HOXA3: variants seen among roughly 807,000 people sequenced by gnomAD.
HOXA3 encodes homeobox protein Hox-A3.
HOXA3 carries 8 observed loss-of-function variants against 30.3 expected under a neutral mutation model. The ratio of observed to expected loss-of-function variants is 0.26; its 90% CI spans 0.15 to 0.48. The LOEUF (loss-of-function observed/expected upper bound fraction) is 0.48, where lower values mean the gene tolerates loss of function less well. Ranked by LOEUF, HOXA3 falls within the 20% of genes least tolerant of loss-of-function variation. The pLI is 0.99. For missense variants in HOXA3, 653 were observed against 614.4 expected (o/e 1.06, Z -0.66); for synonymous variants, 323 against 273.1 (o/e 1.18, Z -1.80).
chr7:27,141,603 T>C, intron 1 of HOXA3: 1 of 413,890 alleles, frequency 2.4e-6, no homozygotes, highest in Non-Finnish European at 4.3e-6. Context: ...AGTTAAAACA[T>C]CTATTTTTTT....
intron 2 of HOXA3, among the ~76,000 whole-genome samples, chr7:27,134,836 G>A (rs1297303321): frequency 6.6e-6 from 1 of 152,212 alleles, no homozygotes; most frequent in Non-Finnish European, 1.5e-5. Flanking sequence ...ATATTGGGAT[G>A]ATCTTAAACA....
chr7:27,127,517 CT>C (rs1785335993), intron 2 of HOXA3, among the ~76,000 whole-genome samples: 1 of 152,230 alleles, frequency 6.6e-6, no homozygotes, highest in Non-Finnish European at 1.5e-5. Flanking sequence ...CAGGTGAGCA[CT>C]TACTCCCATC....
chr7:27,144,373 T>A (rs1455132734), intron 1 of HOXA3, among the ~76,000 whole-genome samples: 2 of 152,238 alleles, frequency 1.3e-5, no homozygotes, highest in East Asian at 3.9e-4. Flanking sequence ...ATGACAGGCG[T>A]CTATTAAAGA....
intron 3 of HOXA3, among the ~76,000 whole-genome samples, chr7:27,125,917 C>T (rs1031714875): frequency 1.3e-5 from 2 of 152,086 alleles, no homozygotes; most frequent in African/African-American, 4.8e-5. Context: ...TCCACCCCAC[C>T]CCACCCCATA....
At chr7:27,114,847 TATATATTATATATATA>T (rs1784611284) in intron 4 of HOXA3, among the ~76,000 whole-genome samples, 2 of 104,874 alleles carry the variant, frequency 1.9e-5, no homozygotes, top group African/African-American at 3.3e-5. Context: ...ATATATATAA[TATATATTATATATATA>T]ATATATATTA....
chr7:27,114,853 T>G (rs1280934727), intron 4 of HOXA3, among the ~76,000 whole-genome samples: 2 of 104,378 alleles, frequency 1.9e-5, no homozygotes, highest in Non-Finnish European at 4.0e-5. Flanking sequence ...ATAATATATA[T>G]TATATATATA....
At chr7:27,124,799 G>A (rs1785208254) in intron 3 of HOXA3, among the ~76,000 whole-genome samples, 4 of 152,034 alleles carry the variant, frequency 2.6e-5, no homozygotes, top group Non-Finnish European at 4.4e-5. Flanking sequence ...TGGCTCTGCC[G>A]GCCTCCGGGG....
intron 2 of HOXA3, among the ~76,000 whole-genome samples, chr7:27,132,799 C>G (rs956358899): frequency 3.9e-5 from 6 of 152,128 alleles, no homozygotes; most frequent in African/African-American, 1.4e-4. Context: ...ATACGTATTA[C>G]AAATCTGAAC....
intron 1 of HOXA3, chr7:27,146,063 T>A: frequency 1.1e-6 from 1 of 909,930 alleles, no homozygotes; most frequent in Non-Finnish European, 1.6e-6. Context: ...GCCCAAAGCA[T>A]ACTGAATGGG....
At chr7:27,150,858 G>C (rs1006807309) in intron 1 of HOXA3, 2 of 152,364 alleles carry the variant, frequency 1.3e-5, no homozygotes, top group African/African-American at 2.4e-5. Flanking sequence ...CGCCCCCCAG[G>C]TCCCCTTGCG....
At chr7:27,143,319 G>T in intron 1 of HOXA3, 1 of 1,599,140 alleles carries the variant, frequency 6.3e-7, no homozygotes. Flanking sequence ...GGATCGGGCT[G>T]AGGAGAGTGC....
intron 1 of HOXA3, chr7:27,147,810 T>C (rs1364932892): frequency 1.4e-6 from 2 of 1,427,298 alleles, no homozygotes; most frequent in Non-Finnish European, 1.9e-6. Flanking sequence ...CTATAACTAT[T>C]AGTAGTCATC....
At position 27,113,886 on chromosome 7, in the gene HOXA3, C is replaced by A. The variant is rs1784525833; in HGVS notation, c.-120-3126G>T. The A allele has an allele frequency of 6.6e-6, 1 of 151,012 alleles. No individual in the cohort carries two copies. Among genetic ancestry groups the A allele is most frequent in the African/African-American group, 2.4e-5 (1 of 41,270 alleles). The allele number at this position is 151,012 out of a possible 1,614,324, so 9.4% of individuals were successfully genotyped here. On this transcript the variant is annotated intron_variant, in intron 4 of 5. Transcript: ENST00000612286. The surrounding 1 kb of genome is among the most constrained non-coding windows in gnomAD (Gnocchi z 4.8). ...CTCCCACCCACCCCACCCACCCACC[C>A]CTCCCCCACACCCCCGCCCCCTGCC...
intron 2 of HOXA3, among the ~76,000 whole-genome samples, chr7:27,136,423 T>TAAA (rs1785716969): frequency 6.6e-6 from 1 of 152,148 alleles, no homozygotes; most frequent in Non-Finnish European, 1.5e-5. Context: ...GGGAGAACCT[T>TAAA]GCAAAAAGTG....
At position 27,130,090 on chromosome 7, in the gene HOXA3, C is replaced by T. The variant is rs554415472; in HGVS notation, c.-389-3020G>A. ...ACCCAGGCCCAGCCCCGGCCCACCTCCCGCGCCTCCCAAGCGGCGCCACGT... is the reference window on the plus strand; with the variant it reads ...ACCCAGGCCCAGCCCCGGCCCACCTTCCGCGCCTCCCAAGCGGCGCCACGT... On this transcript the variant is annotated intron_variant, in intron 2 of 5. Coordinates refer to ENST00000612286, the MANE Select transcript of HOXA3 (RefSeq NM_153631.3). 34 of 1,575,070 alleles carry T rather than the reference C, an allele frequency of 2.2e-5. 1 individual carries two copies. In the East Asian group the frequency reaches 4.9e-4, roughly 23 times the overall value.
intron 1 of HOXA3, chr7:27,143,466 C>T: frequency 6.2e-7 from 1 of 1,613,798 alleles, no homozygotes; most frequent in Non-Finnish European, 8.5e-7. Flanking sequence ...CCATTGTAGC[C>T]GTAGCCGTAC....
intron 1 of HOXA3, chr7:27,140,654 A>C (rs1782531905): frequency 6.6e-6 from 1 of 152,294 alleles, no homozygotes; most frequent in African/African-American, 2.4e-5. Flanking sequence ...TTTGGGGTCC[A>C]CAGACAGACA....
chr7:27,109,925 T>G, intron 5 of HOXA3, 190 bp downstream of exon 5: 1 of 656,106 alleles, frequency 1.5e-6, no homozygotes, highest in Non-Finnish European at 2.6e-6. Flanking sequence ...TCTGGTGTTT[T>G]CCAGCCTACA....
At chr7:27,125,796 A>G (rs901173553) in intron 3 of HOXA3, among the ~76,000 whole-genome samples, 1 of 152,188 alleles carries the variant, frequency 6.6e-6, no homozygotes, top group African/African-American at 2.4e-5. Flanking sequence ...CTTTCATTCT[A>G]AAGAGTCATT....
Sources: allele counts gnomAD v4.1 joint callset (sites outside exome capture counted in the v4.1 genomes callset), GRCh38; gene constraint gnomAD v4.1.1; non-coding constraint Gnocchi (gnomAD v3.1); transcripts MANE v1.5; gene names NCBI Gene and HGNC (gene_info 2026-07-23, HGNC 2026-07-21).